KCMF1: variants seen among roughly 807,000 people sequenced by gnomAD.
The protein encoded by KCMF1 is E3 ubiquitin-protein ligase KCMF1.
In KCMF1, 3 loss-of-function variants were observed where a neutral mutation model predicts 41.1. The observed-to-expected ratio is 0.07, with a 90% CI of 0.03 to 0.19. The LOEUF is 0.19. Ranked by LOEUF, KCMF1 falls within the 10% of genes least tolerant of loss-of-function variation. KCMF1 has a pLI of 1.00. For synonymous variants in KCMF1, 142 were observed against 164.5 expected (o/e 0.86, Z 1.04); for missense variants, 286 against 488.9 (o/e 0.58, Z 3.91).
chr2:85,008,248 ATATATAT>A lies in KCMF1; in HGVS notation c.17-19633_17-19627del, dbSNP rs1264220838. Among the ~76,000 whole-genome samples, 826 of 105,936 alleles carry A rather than the reference ATATATAT, an allele frequency of 7.8e-3. 12 individuals are homozygous for A. The highest frequency in any genetic ancestry group is 0.026 in the African/African-American group (738 of 28,104). The allele number at this position is 105,936 out of a possible 152,430, so 69.5% of individuals were successfully genotyped here. ...TACATCACATATTATATTATATATG[ATATATAT>A]TATATATCATATATAATATATAATA... On this transcript the variant is annotated intron_variant, in intron 1 of 6. Coordinates refer to ENST00000409785, the MANE Select transcript of KCMF1 (RefSeq NM_020122.5).
intron 1 of KCMF1, among the ~76,000 whole-genome samples, chr2:84,995,194 A>T (rs1336776774): frequency 1.3e-5 from 2 of 151,690 alleles, no homozygotes; most frequent in Non-Finnish European, 2.9e-5. Context: ...GCTAATTTTC[A>T]TATTTTTAGT....
chr2:84,988,503 G>A (rs780283743), intron 1 of KCMF1, among the ~76,000 whole-genome samples: 9 of 152,162 alleles, frequency 5.9e-5, no homozygotes, highest in Non-Finnish European at 1.2e-4. Context: ...AGATGGCACA[G>A]TGTTTGATAG....
chr2:85,029,044 A>G (rs1324586759), intron 2 of KCMF1, among the ~76,000 whole-genome samples: 3 of 152,058 alleles, frequency 2.0e-5, no homozygotes, highest in African/African-American at 7.2e-5. Context: ...ATTTCGGCTC[A>G]CTGCAACATC....
At chr2:85,007,396 A>AAGG (rs1308482224) in intron 1 of KCMF1, among the ~76,000 whole-genome samples, 1 of 152,236 alleles carries the variant, frequency 6.6e-6, no homozygotes, top group Non-Finnish European at 1.5e-5. Context: ...ATCATTGGGC[A>AAGG]AGGTCACAAA....
At chr2:84,990,777 A>G (rs527547392) in intron 1 of KCMF1, among the ~76,000 whole-genome samples, 1 of 152,218 alleles carries the variant, frequency 6.6e-6, no homozygotes, top group Non-Finnish European at 1.5e-5. Context: ...CATTAAGTAT[A>G]AAAGTCCTGA....
At chr2:84,973,386 G>T (rs891905507) in intron 1 of KCMF1, among the ~76,000 whole-genome samples, 1 of 152,294 alleles carries the variant, frequency 6.6e-6, no homozygotes, top group South Asian at 2.1e-4. Context: ...GCTGTGCAAA[G>T]GTGTGTGGTT....
Position 85,057,012 on chromosome 2 carries a change from T to TA in KCMF1, c.*3609dup, listed in dbSNP as rs1675948684. The TA allele has an allele frequency of 6.6e-6, 1 of 151,828 alleles. No individual in the cohort carries two copies. The highest frequency in any genetic ancestry group is 2.4e-5 in the African/African-American group (1 of 41,346). The allele number at this position is 151,828 out of a possible 1,614,324, so 9.4% of individuals were successfully genotyped here. ...CAGCATAGTGAAACCCCATCTCTAC[T>TA]AAAAAATACAAAAAGTTAGCTGGGC... On this transcript the variant is annotated 3_prime_UTR_variant, in exon 7 of 7. Transcript: ENST00000409785.
chr2:84,976,528 A>G (rs756972029), intron 1 of KCMF1, among the ~76,000 whole-genome samples: 2 of 151,850 alleles, frequency 1.3e-5, no homozygotes, highest in African/African-American at 2.4e-5. Flanking sequence ...TTTCTGGGCT[A>G]CTTTTGATTT....
intron 1 of KCMF1, among the ~76,000 whole-genome samples, chr2:85,015,369 C>T (rs1008247694): frequency 3.3e-5 from 5 of 152,096 alleles, no homozygotes; most frequent in Non-Finnish European, 7.4e-5. Context: ...CAGAAAACAG[C>T]TCTAATCATG....
intron 2 of KCMF1, among the ~76,000 whole-genome samples, chr2:85,032,453 T>C (rs1038231650): frequency 6.6e-6 from 1 of 152,160 alleles, no homozygotes; most frequent in African/African-American, 2.4e-5. Flanking sequence ...CTCGGCTCAC[T>C]GCAACCTCTG....
chr2:85,046,587 AC>A (rs372932987), intron 5 of KCMF1, among the ~76,000 whole-genome samples: 22 of 150,884 alleles, frequency 1.5e-4, no homozygotes, highest in African/African-American at 4.6e-4. Flanking sequence ...CCGAGATCGC[AC>A]CACTGCAGTC....
At chr2:85,046,573 G>T (rs1475727113) in intron 5 of KCMF1, among the ~76,000 whole-genome samples, 5 of 151,584 alleles carry the variant, frequency 3.3e-5, no homozygotes, top group Non-Finnish European at 7.4e-5. Flanking sequence ...GAGGTTCCAG[G>T]GAGCCGAGAT....
rs577607365 is a variant in KCMF1 at position 85,004,754 on chromosome 2, A to G, written c.17-23135A>G. On this transcript the variant is annotated intron_variant, in intron 1 of 6. Coordinates refer to ENST00000409785, the MANE Select transcript of KCMF1 (RefSeq NM_020122.5). ...GGTCATGCCTCAGTCTTCTATCTTG[A>G]GATTTTCATGAGTCTTGCTTGAACT... is the stretch of plus-strand genomic sequence containing the variant. 1.2e-3 allele frequency among the ~76,000 whole-genome samples: 186 copies of G among 152,222 alleles called. 7 individuals carry two copies. In the South Asian group the frequency reaches 0.037, roughly 31 times the overall value.
chr2:85,032,080 A>T (rs1409980829), intron 2 of KCMF1, among the ~76,000 whole-genome samples: 1 of 151,498 alleles, frequency 6.6e-6, no homozygotes, highest in African/African-American at 2.4e-5. Context: ...CCATATAGAC[A>T]AACAATTGAT....
At chr2:85,008,291 T>TATATA (rs1486177880) in intron 1 of KCMF1, among the ~76,000 whole-genome samples, 1 of 14,624 alleles carries the variant, frequency 6.8e-5, no homozygotes, top group Non-Finnish European at 1.7e-4. Context: ...TGATATATAA[T>TATATA]ATATATAATA....
chr2:85,023,800 G>C (rs980002437), intron 1 of KCMF1, among the ~76,000 whole-genome samples: 2 of 152,260 alleles, frequency 1.3e-5, no homozygotes, highest in South Asian at 4.1e-4. Flanking sequence ...TTTCAAAGTG[G>C]TTGTGCTGAT....
At chr2:85,040,901 C>T (rs1392075171) in intron 3 of KCMF1, among the ~76,000 whole-genome samples, 1 of 152,030 alleles carries the variant, frequency 6.6e-6, no homozygotes, top group African/African-American at 2.4e-5. Flanking sequence ...GCTGGGATTA[C>T]AGGCGTGTGC....
chr2:85,023,182 C>T (rs1224427058), intron 1 of KCMF1, among the ~76,000 whole-genome samples: 1 of 151,666 alleles, frequency 6.6e-6, no homozygotes, highest in African/African-American at 2.4e-5. Flanking sequence ...CCACCGCGCC[C>T]GGCCAATACT....
intron 1 of KCMF1, among the ~76,000 whole-genome samples, chr2:85,009,180 C>T (rs753579040): frequency 1.3e-5 from 2 of 152,164 alleles, no homozygotes; most frequent in Non-Finnish European, 2.9e-5. Context: ...AGTAAGTTCT[C>T]ATGAGATCTG....
Sources: allele counts gnomAD v4.1 joint callset (sites outside exome capture counted in the v4.1 genomes callset), GRCh38; gene constraint gnomAD v4.1.1; transcripts MANE v1.5; gene names NCBI Gene and HGNC (gene_info 2026-07-23, HGNC 2026-07-21).